PPM1F: variants seen among roughly 807,000 people sequenced by gnomAD.
The protein encoded by PPM1F is protein phosphatase 1F.
PPM1F carries 17 observed loss-of-function variants against 35.5 expected under a neutral mutation model. The observed-to-expected ratio is 0.48, with a 90% confidence interval of 0.33 to 0.72. The LOEUF (loss-of-function observed/expected upper bound fraction) is 0.72, where lower values mean the gene tolerates loss of function less well. PPM1F is among the 30% of genes least tolerant of loss of function. The pLI is 0.02. For synonymous variants in PPM1F, 241 were observed against 255.5 expected (o/e 0.94, Z 0.54); for missense variants, 521 against 613.0 (o/e 0.85, Z 1.59).
At position 21,931,369 on chromosome 22, in the gene PPM1F, C is replaced by T. The variant is rs1037838279; in HGVS notation, c.748-78G>A. On this transcript the variant is annotated intron_variant, in intron 5 of 7. Coordinates refer to ENST00000263212, the MANE Select transcript of PPM1F (RefSeq NM_014634.4). ...GATGACACGGGGCAGGATGAAGCTT[C>T]CGGGGGTGATGAATACTTCCGTTAC... is the stretch of plus-strand genomic sequence containing the variant. The T allele has an allele frequency of 1.9e-5, 26 of 1,397,806 alleles. No individual in the cohort carries two copies. The Admixed American group carries it at 2.2e-4, about 12-fold the overall frequency. 86.6% of individuals were successfully genotyped at this position (1,397,806 alleles called of 1,614,324 possible).
intron 1 of PPM1F, chr22:21,950,686 A>T (rs1013907205): frequency 6.6e-6 from 1 of 151,770 alleles, no homozygotes; most frequent in African/African-American, 2.4e-5. Flanking sequence ...GCAGTGGCGC[A>T]ATCTTGGCTC....
In PPM1F at chr22:21,939,634, A is replaced by C. The variant is rs1258495309; in HGVS notation, c.253T>G (p.Ser85Ala). The change falls in exon 3 of 8, where the codon TCA (serine) becomes GCA (alanine). Residue 85 changes from serine to alanine, a missense_variant. By Grantham distance (99) the Ser-to-Ala change is moderately conservative. This residue lies in a region of PPM1F where 311 missense variants were observed against 351.5 expected (regional missense o/e 0.88). Coordinates refer to ENST00000263212, the MANE Select transcript of PPM1F (RefSeq NM_014634.4). This position sits in a 1 kb window ranked among gnomAD's most constrained non-coding sequence, Gnocchi z 5.1. ...LAAALAHEAV[S>A]QLLQTDLSEF... ...GAAAGGTCTGTCTGTAGCAGCTGTGAAACTGCTTCGTGGGCCAGAGCAGCA... is the reference window on the plus strand; with the variant it reads ...GAAAGGTCTGTCTGTAGCAGCTGTGCAACTGCTTCGTGGGCCAGAGCAGCA... The C allele has an allele frequency of 6.4e-7, 1 of 1,557,226 alleles. No individual in the cohort carries two copies. Among genetic ancestry groups the C allele is most frequent in the Non-Finnish European group, 8.7e-7 (1 of 1,149,520 alleles).
Position 21,945,905 on chromosome 22 carries a change from C to T in PPM1F, c.144G>A (p.Val48=). The T allele has an allele frequency of 1.2e-6, 2 of 1,612,884 alleles. No individual in the cohort carries two copies. The highest frequency in any genetic ancestry group is 1.7e-6 in the Non-Finnish European group (2 of 1,179,738). The change falls in exon 2 of 8, where the codon GTG becomes GTA. Residue 48 remains valine, a synonymous_variant. Coordinates refer to ENST00000263212, the MANE Select transcript of PPM1F (RefSeq NM_014634.4). The part of the protein sequence containing the change: ...DPLPWKAPGT[V]LSQEEVEGEL... ...CGCCCTCCACCTCCTCCTGGCTGAG[C>T]ACCGTCCCTGGGGCCTTCCATGGCA...
At chr22:21,929,909 C>T (rs145500679) in intron 6 of PPM1F, among the ~76,000 whole-genome samples, 2 of 152,260 alleles carry the variant, frequency 1.3e-5, no homozygotes, top group East Asian at 3.9e-4. Context: ...CACAAAAAGA[C>T]TACTCAACTA....
At chr22:21,931,120 C>T in intron 6 of PPM1F, 28 bp downstream of exon 6, 2 of 1,612,828 alleles carry the variant, frequency 1.2e-6, no homozygotes, top group Non-Finnish European at 1.7e-6. Context: ...CAGGAATATC[C>T]TGGGCCTGGG....
In PPM1F at chr22:21,925,588, C is replaced by T; in HGVS notation, c.966G>A (p.Leu322=). Residue 322 remains leucine (L), a synonymous_variant, in exon 7 of 8, where the codon CTG becomes CTA. Coordinates refer to ENST00000263212, the MANE Select transcript of PPM1F (RefSeq NM_014634.4). The part of the protein sequence containing the change: ...HMDCWRVNGT[L]AVSRAIGDVF... ...TCTCACCGATGGCTCTGGAGACGGC[C>T]AGGGTCCCGTTGACTCTCCAGCAGT... The T allele has an allele frequency of 6.2e-7, 1 of 1,613,808 alleles. No individual in the cohort carries two copies. Among genetic ancestry groups the T allele is most frequent in the Non-Finnish European group, 8.5e-7 (1 of 1,179,784 alleles).
chr22:21,933,373 C>T lies in PPM1F; in HGVS notation c.747+18G>A. On this transcript the variant is annotated intron_variant, in intron 5 of 7. Coordinates refer to ENST00000263212, the MANE Select transcript of PPM1F (RefSeq NM_014634.4). ...CTGGCCTCCAAACTGCACCTGAGGC[C>T]CAGCGGCCAGTCCTCACCTCTCGCT... The T allele has an allele frequency of 6.3e-7, 1 of 1,589,628 alleles. No individual in the cohort carries two copies. Among genetic ancestry groups the T allele is most frequent in the Non-Finnish European group, 8.6e-7 (1 of 1,165,994 alleles).
At chr22:21,938,586 A>T in intron 3 of PPM1F, 1 of 1,027,304 alleles carries the variant, frequency 9.7e-7, no homozygotes, top group South Asian at 3.1e-5. Flanking sequence ...CAACAGGGAA[A>T]GGAAAGGAAA....
At chr22:21,930,845 T>C (rs2070580148) in intron 6 of PPM1F, among the ~76,000 whole-genome samples, 1 of 152,092 alleles carries the variant, frequency 6.6e-6, no homozygotes, top group South Asian at 2.1e-4. Flanking sequence ...GTGGCCTCCT[T>C]GTCCGTGTGT....
At chr22:21,938,511 T>C in intron 3 of PPM1F, 1 of 1,091,930 alleles carries the variant, frequency 9.2e-7, no homozygotes, top group South Asian at 2.0e-5. Flanking sequence ...TCGCTTTCTC[T>C]CTCTTCTCCC....
At chr22:21,929,722 C>T (rs768807401) in intron 6 of PPM1F, among the ~76,000 whole-genome samples, 23 of 152,098 alleles carry the variant, frequency 1.5e-4, no homozygotes, top group African/African-American at 2.2e-4. Context: ...GTGACTTTGG[C>T]GGTGTGCTCT....
At chr22:21,933,884 T>C (rs1245025120) in intron 4 of PPM1F, 140 bp downstream of exon 4, 2 of 860,366 alleles carry the variant, frequency 2.3e-6, no homozygotes, top group Non-Finnish European at 3.5e-6. Context: ...CTTCTTAGTC[T>C]CTTGCTGGGC....
chr22:21,923,623 CA>C (rs2070474685), intron 7 of PPM1F, 152 bp from the exon 8 acceptor site: 2 of 747,382 alleles, frequency 2.7e-6, no homozygotes, highest in Admixed American at 3.2e-5. Context: ...GCAAACTGCC[CA>C]GTACTTCCCA....
In PPM1F at chr22:21,939,556, C is replaced by T. The variant is rs780926684; in HGVS notation, c.331G>A (p.Glu111Lys). ...CAGGTCACAGGGGCCTTTTCCTCCT[C>T]GTCATCGTCCTCCTCCTCTTCTTCT... ...EEEEEEEDDD[E>K]EEKAPVTLLD... The change falls in exon 3 of 8, where the codon GAG (glutamate) becomes AAG (lysine). Residue 111 changes from glutamate to lysine, a missense_variant. Physicochemically the swap from Glu to Lys is moderately conservative, Grantham distance 56. Coordinates refer to ENST00000263212, the MANE Select transcript of PPM1F (RefSeq NM_014634.4). The surrounding 1 kb of genome is among the most constrained non-coding windows in gnomAD (Gnocchi z 5.1). The T allele has an allele frequency of 5.7e-5, 91 of 1,585,334 alleles. No individual in the cohort carries two copies. Among genetic ancestry groups the T allele is most frequent in the East Asian group, 9.1e-5 (4 of 44,024 alleles).
chr22:21,924,502 C>T (rs1456118734), intron 7 of PPM1F, among the ~76,000 whole-genome samples: 4 of 151,574 alleles, frequency 2.6e-5, no homozygotes, highest in African/African-American at 9.7e-5. Flanking sequence ...AACTCCTGAC[C>T]TCAGGTGATC....
At chr22:21,934,753 CG>C (rs2070638726) in intron 3 of PPM1F, 1 of 152,202 alleles carries the variant, frequency 6.6e-6, no homozygotes, top group South Asian at 2.0e-4. Flanking sequence ...GGCATGGTGG[CG>C]GGCGCCTGTA....
rs2070631366 is a variant in PPM1F at position 21,934,211 on chromosome 22, C to T, written c.371G>A (p.Ser124Asn). ...GCGGTTAAAGAAACTCTGTGCCAGG[C>T]TTTGGGCATCCAGCACTGATGGGCA... ...KAPVTLLDAQ[S>N]LAQSFFNRLW... Residue 124 changes from serine to asparagine, a missense_variant, in exon 4 of 8, where the codon AGC becomes AAC. Ser to Asn is a conservative substitution (Grantham distance 46). Transcript: ENST00000263212. The T allele has an allele frequency of 6.4e-7, 1 of 1,571,116 alleles. No individual in the cohort carries two copies. The highest frequency in any genetic ancestry group is 1.2e-5 in the South Asian group (1 of 85,676).
intron 3 of PPM1F, 177 bp from the exon 4 acceptor site, chr22:21,934,403 C>G: frequency 1.7e-6 from 1 of 590,818 alleles, no homozygotes; most frequent in South Asian, 2.1e-5. Flanking sequence ...TTAGAAATGT[C>G]TAGTTTGGCA....
chr22:21,933,657 G>C (rs1247889845), intron 4 of PPM1F, 78 bp from the exon 5 acceptor site: 1 of 1,333,512 alleles, frequency 7.5e-7, no homozygotes, highest in Non-Finnish European at 1.1e-6. Flanking sequence ...AGGCACTGAT[G>C]GGGTAGAGTC....
Sources: gnomAD v4.1 joint callset for allele counts (sites outside exome capture counted in the v4.1 genomes callset) on GRCh38, gnomAD v4.1.1 for gene constraint, gnomAD v4.1.1 regional missense constraint, Gnocchi (gnomAD v3.1) non-coding constraint, MANE v1.5 for transcripts, NCBI Gene and HGNC (gene_info 2026-07-23, HGNC 2026-07-21) for gene names.